NCK2: variants seen among roughly 807,000 people sequenced by gnomAD.
NCK2 encodes the protein cytoplasmic protein NCK2.
Under a neutral mutation model 33.9 loss-of-function variants are expected in NCK2, and 16 were observed. The observed-to-expected ratio is 0.47, with a 90% CI of 0.32 to 0.72. NCK2 has a LOEUF of 0.72. Among genes scored for constraint, NCK2 ranks in the 30% least tolerant of loss-of-function variants. The pLI is 0.03. For synonymous variants in NCK2, 273 were observed against 239.9 expected (o/e 1.14, Z -1.27); for missense variants, 418 against 537.3 (o/e 0.78, Z 2.19).
chr2:105,765,284 T>C (rs1364806981), intron 1 of NCK2, among the ~76,000 whole-genome samples: 1 of 152,242 alleles, frequency 6.6e-6, no homozygotes, highest in Non-Finnish European at 1.5e-5. Context: ...CACTGCTGTT[T>C]TGAAAACAAA....
At chr2:105,756,838 C>T (rs1484111689) in intron 1 of NCK2, among the ~76,000 whole-genome samples, 1 of 152,158 alleles carries the variant, frequency 6.6e-6, no homozygotes. Flanking sequence ...GAGTTTCGCT[C>T]TTGTCACCCA....
intron 3 of NCK2, among the ~76,000 whole-genome samples, chr2:105,873,204 A>T (rs1358083517): frequency 6.6e-6 from 1 of 152,208 alleles, no homozygotes; most frequent in Non-Finnish European, 1.5e-5. Context: ...ACCTTGTCTG[A>T]AATCGATTTG....
intron 1 of NCK2, among the ~76,000 whole-genome samples, chr2:105,814,811 G>C (rs74765169): frequency 0.013 from 2,038 of 152,276 alleles, 28 homozygotes; most frequent in African/African-American, 0.029. Context: ...GGGCACACAG[G>C]GGGGAGGCCT....
intron 3 of NCK2, among the ~76,000 whole-genome samples, chr2:105,869,387 CA>C (rs1034383108): frequency 6.6e-6 from 1 of 152,188 alleles, no homozygotes; most frequent in Non-Finnish European, 1.5e-5. Flanking sequence ...GCCCTCATAA[CA>C]GCCCCACGGG....
chr2:105,875,589 G>A (rs886877806), intron 3 of NCK2, among the ~76,000 whole-genome samples: 1 of 152,136 alleles, frequency 6.6e-6, no homozygotes, highest in Non-Finnish European at 1.5e-5. Context: ...TGGGATTCGT[G>A]CCCTTATAAA....
intron 2 of NCK2, among the ~76,000 whole-genome samples, chr2:105,850,523 A>G (rs1212238580): frequency 6.6e-6 from 1 of 152,208 alleles, no homozygotes; most frequent in Admixed American, 6.5e-5. Context: ...GAGTGGTCAC[A>G]TGACATACAA....
chr2:105,844,579 A>AC (rs1287606704), intron 2 of NCK2, among the ~76,000 whole-genome samples: 9 of 147,976 alleles, frequency 6.1e-5, no homozygotes, highest in African/African-American at 1.5e-4. Context: ...AAAAACAAAA[A>AC]AAAAAAAAAA....
chr2:105,784,538 G>A (rs1026514548), intron 1 of NCK2, among the ~76,000 whole-genome samples: 1 of 152,228 alleles, frequency 6.6e-6, no homozygotes, highest in African/African-American at 2.4e-5. Context: ...CTTGTGGAGG[G>A]TACAATGTAG....
chr2:105,811,772 A>G (rs922111229), intron 1 of NCK2, among the ~76,000 whole-genome samples: 1 of 152,272 alleles, frequency 6.6e-6, no homozygotes, highest in East Asian at 1.9e-4. Context: ...TAAGCCCCTA[A>G]TAAAACCCTG....
intron 2 of NCK2, among the ~76,000 whole-genome samples, chr2:105,838,617 G>T (rs543403257): frequency 3.3e-5 from 5 of 152,194 alleles, no homozygotes; most frequent in Non-Finnish European, 7.4e-5. Flanking sequence ...ATATCAAGAA[G>T]TGGGATTGTT....
chr2:105,780,365 T>C (rs928809562), intron 1 of NCK2, among the ~76,000 whole-genome samples: 1 of 138,790 alleles, frequency 7.2e-6, no homozygotes, highest in Non-Finnish European at 1.6e-5. Context: ...CACACACACA[T>C]TCATCTAAAG....
chr2:105,844,491 A>G (rs1676773173), intron 2 of NCK2, among the ~76,000 whole-genome samples: 1 of 151,380 alleles, frequency 6.6e-6, no homozygotes, highest in Non-Finnish European at 1.5e-5. Flanking sequence ...TGGGAGGCTG[A>G]GGCGGGCGGA....
chr2:105,845,651 C>G (rs1043917854), intron 2 of NCK2, among the ~76,000 whole-genome samples: 19 of 152,102 alleles, frequency 1.2e-4, no homozygotes, highest in Admixed American at 4.6e-4. Flanking sequence ...ACCTCAGCCT[C>G]CCAAAGTGCC....
At chr2:105,824,379 T>C (rs746585225) in intron 2 of NCK2, among the ~76,000 whole-genome samples, 5 of 152,230 alleles carry the variant, frequency 3.3e-5, no homozygotes, top group Non-Finnish European at 5.9e-5. Flanking sequence ...ATGCCACTTA[T>C]GATCTTACCC....
chr2:105,828,986 A>G (rs1353987669), intron 2 of NCK2, among the ~76,000 whole-genome samples: 1 of 152,178 alleles, frequency 6.6e-6, no homozygotes, highest in East Asian at 1.9e-4. Context: ...TCAGACCCCC[A>G]GCTCTGAGTG....
chr2:105,823,878 T>A (rs997317091), intron 2 of NCK2, among the ~76,000 whole-genome samples: 2 of 152,092 alleles, frequency 1.3e-5, no homozygotes, highest in African/African-American at 4.8e-5. Context: ...CTGCTCTGGC[T>A]GTTTCGTGAT....
At chr2:105,787,771 ATCTTT>A (rs1480896535) in intron 1 of NCK2, among the ~76,000 whole-genome samples, 1 of 152,192 alleles carries the variant, frequency 6.6e-6, no homozygotes, top group Non-Finnish European at 1.5e-5. Context: ...AACAAGGCCC[ATCTTT>A]TCTTGATGAC....
At chr2:105,776,539 C>G (rs1364757220) in intron 1 of NCK2, among the ~76,000 whole-genome samples, 2 of 152,052 alleles carry the variant, frequency 1.3e-5, no homozygotes, top group African/African-American at 4.8e-5. Context: ...TGCTGCCAGC[C>G]TTGGGTTGTC....
At chr2:105,814,918 A>G (rs969729458) in intron 1 of NCK2, among the ~76,000 whole-genome samples, 1 of 152,198 alleles carries the variant, frequency 6.6e-6, no homozygotes, top group African/African-American at 2.4e-5. Flanking sequence ...TAAAATCTTA[A>G]CAACACAACT....
Sources: allele counts gnomAD v4.1 joint callset (sites outside exome capture counted in the v4.1 genomes callset), GRCh38; gene constraint gnomAD v4.1.1; transcripts MANE v1.5; gene names NCBI Gene and HGNC (gene_info 2026-07-23, HGNC 2026-07-21).